TEX2: variants seen among roughly 807,000 people sequenced by gnomAD.
TEX2 encodes the protein testis expressed 2, also known as testis-expressed protein 2.
Under a neutral mutation model 106.9 loss-of-function variants are expected in TEX2, and 53 were observed. That is an observed-to-expected ratio of 0.50 (90% confidence interval 0.40 to 0.62). The LOEUF is 0.62. Among genes scored for constraint, TEX2 ranks in the 20% least tolerant of loss-of-function variants. TEX2 has a pLI of 0.00. For missense variants in TEX2, 1,207 were observed against 1,379.0 expected (o/e 0.88, Z 1.98); for synonymous variants, 523 against 534.8 (o/e 0.98, Z 0.30).
rs1277635996 is a variant in TEX2, at chr17:64,217,336, A to G, written c.-25-3094T>C. Among the ~76,000 whole-genome samples the G allele has an allele frequency of 3.3e-5, 5 of 152,200 alleles. No individual in the cohort carries two copies. Among genetic ancestry groups the G allele is most frequent in the Admixed American group, 3.3e-4 (5 of 15,284 alleles). ...TCCCACAGCCACAGCCATGCAGGAC[A>G]GCCAAGGCCAAGAGGAAGGACCTGA... On this transcript the variant is annotated intron_variant, in intron 1 of 11. Transcript: ENST00000584379. This position sits in a 1 kb window ranked among gnomAD's most constrained non-coding sequence, Gnocchi z 4.3.
chr17:64,236,403 A>T (rs1165077360), intron 1 of TEX2, among the ~76,000 whole-genome samples: 1 of 152,138 alleles, frequency 6.6e-6, no homozygotes, highest in Non-Finnish European at 1.5e-5. Context: ...GTCTCTACAA[A>T]AAGTTTTAAA....
intron 10 of TEX2, among the ~76,000 whole-genome samples, chr17:64,152,286 C>T (rs1009479182): frequency 1.3e-5 from 2 of 152,194 alleles, no homozygotes; most frequent in African/African-American, 4.8e-5. Flanking sequence ...TAATTTATTT[C>T]AGTGACTCTC....
Position 64,213,229 on chromosome 17 carries a change from T to C in TEX2, c.989A>G (p.Asn330Ser), listed in dbSNP as rs782735127. ...CAAGTGCCCATTCAAGCTGGACAGA[T>C]TGGAGAGTTCTGAAGCACTTGAAGA... ...ALSSSASELS[N>S]LSSLNGHLES... Residue 330 changes from asparagine (N) to serine (S), a missense_variant, in exon 2 of 12, where the codon AAT (asparagine) becomes AGT (serine). Physicochemically the swap from Asn to Ser is conservative, Grantham distance 46 (BLOSUM62 1). This residue lies in a region of TEX2 where 1,067 missense variants were observed against 1,193.6 expected (regional missense o/e 0.89). Transcript: ENST00000584379. The surrounding 1 kb of genome is among the most constrained non-coding windows in gnomAD (Gnocchi z 4.4). 16 of 1,614,210 alleles carry C rather than the reference T, an allele frequency of 9.9e-6. 1 individual carries two copies. The highest frequency in any genetic ancestry group is 1.7e-6 in the Non-Finnish European group (2 of 1,180,034).
rs1282530669 is a variant in TEX2 at position 64,232,819 on chromosome 17, TTC to T, written c.-25-18579_-25-18578del. Among the ~76,000 whole-genome samples the T allele has an allele frequency of 3.3e-5, 5 of 152,220 alleles. No individual in the cohort carries two copies. The South Asian group carries it at 8.3e-4, about 25-fold the overall frequency. Reference sequence around the variant, plus strand: ...TGTTCATCCTGGGTAAAAGCATAGTTTCTGTTAAGCCTTTTCAAATGCTGAAA... The same window carrying T: ...TGTTCATCCTGGGTAAAAGCATAGTTTGTTAAGCCTTTTCAAATGCTGAAA... On this transcript the variant is annotated intron_variant, in intron 1 of 11. Transcript: ENST00000584379.
At chr17:64,234,136 G>GT (rs1334059158) in intron 1 of TEX2, among the ~76,000 whole-genome samples, 89 of 152,342 alleles carry the variant, frequency 5.8e-4, no homozygotes, top group African/African-American at 2.1e-3. Flanking sequence ...CAAGAAAAAA[G>GT]TGTTTCTCAG....
chr17:64,149,917 TA>T (rs36022005), intron 11 of TEX2: 36,061 of 124,076 alleles, frequency 0.29, 5,443 homozygotes, highest in African/African-American at 0.43. Flanking sequence ...GACTCTGTCT[TA>T]AAAAAAAAAA....
chr17:64,246,285 G>T lies in TEX2; in HGVS notation c.-26+16883C>A, dbSNP rs947305512. Among the ~76,000 whole-genome samples, 2 of 152,110 alleles carry T rather than the reference G, an allele frequency of 1.3e-5. 1 individual carries two copies. Among genetic ancestry groups the T allele is most frequent in the African/African-American group, 4.8e-5 (2 of 41,416 alleles). Reference sequence around the variant, plus strand: ...TTTTTTGACAGAGTCTCGCTCTGTTGCCCAGGCTGGAGTGCAGTGGCATGA... The same window carrying T: ...TTTTTTGACAGAGTCTCGCTCTGTTTCCCAGGCTGGAGTGCAGTGGCATGA... On this transcript the variant is annotated intron_variant, in intron 1 of 11. Transcript: ENST00000584379.
intron 1 of TEX2, among the ~76,000 whole-genome samples, chr17:64,236,213 A>T (rs762161735): frequency 1.3e-4 from 20 of 152,248 alleles, no homozygotes; most frequent in Non-Finnish European, 2.8e-4. Flanking sequence ...ACAATACACA[A>T]TATAACAGCT....
chr17:64,232,197 TAG>T (rs1449224994), intron 1 of TEX2, among the ~76,000 whole-genome samples: 1 of 152,246 alleles, frequency 6.6e-6, no homozygotes, highest in East Asian at 1.9e-4. Flanking sequence ...AGGAGGCTTA[TAG>T]AGACTAAGTA....
chr17:64,262,789 T>A (rs548388656), intron 1 of TEX2, among the ~76,000 whole-genome samples: 1 of 152,270 alleles, frequency 6.6e-6, no homozygotes, highest in South Asian at 2.1e-4. Flanking sequence ...GCGTCGCCGG[T>A]GAGGGGGGCG....
At chr17:64,183,629 T>C (rs1454099956) in intron 5 of TEX2, among the ~76,000 whole-genome samples, 2 of 152,210 alleles carry the variant, frequency 1.3e-5, no homozygotes, top group East Asian at 1.9e-4. Flanking sequence ...GATTTTGCCA[T>C]GTTGCCCAGG....
At chr17:64,163,250 G>A (rs898339609) in intron 7 of TEX2, among the ~76,000 whole-genome samples, 1 of 152,064 alleles carries the variant, frequency 6.6e-6, no homozygotes, top group Non-Finnish European at 1.5e-5. Context: ...ACAGCCTCCT[G>A]AGTAGCTGGG....
chr17:64,243,531 G>T (rs1555635971), intron 1 of TEX2, among the ~76,000 whole-genome samples: 2 of 152,148 alleles, frequency 1.3e-5, no homozygotes, highest in East Asian at 1.9e-4. Context: ...TCAAAATGAG[G>T]CCTGGCTGGC....
chr17:64,228,302 C>T (rs114489642), intron 1 of TEX2, among the ~76,000 whole-genome samples: 4,818 of 152,220 alleles, frequency 0.032, 127 homozygotes, highest in South Asian at 0.1. Flanking sequence ...GGTATGGTTT[C>T]GGGATGATTC....
Position 64,153,114 on chromosome 17 carries a change from C to T in TEX2, c.2971G>A (p.Val991Ile). 6.2e-7 allele frequency: 1 copy of T among 1,614,140 alleles called. No individual in the cohort carries two copies. The highest frequency in any genetic ancestry group is 8.5e-7 in the Non-Finnish European group (1 of 1,179,966). Residue 991 changes from valine to isoleucine, a missense_variant, in exon 10 of 12, where the codon GTT (valine) becomes ATT (isoleucine). Physicochemically the swap from Val to Ile is conservative, Grantham distance 29. Around this residue, in one of 3 missense-constraint regions of TEX2, gnomAD observed 63 missense variants for 112.2 expected, o/e 0.56. Transcript: ENST00000584379. The surrounding 1 kb of genome is among the most constrained non-coding windows in gnomAD (Gnocchi z 4.1). ...GHRTSKIMRF[V>I]DKITKSKYFQ... ...TATTTTGACTTGGTAATTTTATCAA[C>T]AAACCTCATAATCTTACTTGTTCGA...
intron 5 of TEX2, among the ~76,000 whole-genome samples, chr17:64,181,798 G>T (rs1290991569): frequency 6.7e-6 from 1 of 148,876 alleles, no homozygotes; most frequent in African/African-American, 2.5e-5. Context: ...TTACAGGTGT[G>T]AGCCACCATG....
chr17:64,193,764 T>A lies in TEX2; in HGVS notation c.1971A>T (p.Glu657Asp), dbSNP rs1006313113. The change falls in exon 4 of 12, where the codon GAA becomes GAT. Residue 657 changes from glutamate (E) to aspartate (D), a missense_variant. Physicochemically the swap from Glu to Asp is conservative, Grantham distance 45. Transcript: ENST00000584379. ...SKAQTDKETS[E>D]EKPPAEGSED... Reference sequence around the variant, plus strand: ...CACTTCCCTCAGCTGGCGGCTTCTCTTCTGAAGTCTCCTTATCAGTCTGAG... The same window carrying A: ...CACTTCCCTCAGCTGGCGGCTTCTCATCTGAAGTCTCCTTATCAGTCTGAG... The A allele has an allele frequency of 4.3e-6, 7 of 1,613,800 alleles. No individual in the cohort carries two copies. The highest frequency in any genetic ancestry group is 2.7e-5 in the African/African-American group (2 of 74,916).
rs192272457 is a variant in TEX2 at position 64,169,931 on chromosome 17, T to C, written c.2671+1169A>G. Among the ~76,000 whole-genome samples the C allele has an allele frequency of 1.8e-4, 27 of 152,356 alleles. 1 individual carries two copies. The highest frequency in any genetic ancestry group is 6.3e-4 in the African/African-American group (26 of 41,584). ...GCCAAGGGAGGCTACAGTAAAAACG[T>C]CAGTGAGAATTCTCTCTGCATGCTA... On this transcript the variant is annotated intron_variant, in intron 7 of 11. Transcript: ENST00000584379.
chr17:64,224,948 C>T (rs557924447), intron 1 of TEX2, among the ~76,000 whole-genome samples: 6 of 152,196 alleles, frequency 3.9e-5, no homozygotes, highest in African/African-American at 1.2e-4. Context: ...ATGGGGGCAT[C>T]TACAGGGGAA....
Sources: allele counts gnomAD v4.1 joint callset (sites outside exome capture counted in the v4.1 genomes callset), GRCh38; gene constraint gnomAD v4.1.1; regional missense constraint gnomAD v4.1.1; non-coding constraint Gnocchi (gnomAD v3.1); transcripts MANE v1.5; gene names NCBI Gene and HGNC (gene_info 2026-07-23, HGNC 2026-07-21).